Variants in TAFA5 observed in about 807,000 individuals in gnomAD.
TAFA5 encodes chemokine-like protein TAFA-5.
In TAFA5, 6 loss-of-function variants were observed where a neutral mutation model predicts 15.3. The observed-to-expected ratio is 0.39, with a 90% CI of 0.21 to 0.77. The LOEUF (loss-of-function observed/expected upper bound fraction) is 0.77, where lower values mean the gene tolerates loss of function less well. Ranked by LOEUF, TAFA5 falls within the 30% of genes least tolerant of loss-of-function variation. The probability of loss-of-function intolerance (pLI) is 0.41; values close to 1 mark genes in which losing one functional copy is unlikely to be tolerated. For missense variants in TAFA5, 161 were observed against 193.1 expected (o/e 0.83, Z 0.98); for synonymous variants, 103 against 80.7 (o/e 1.28, Z -1.48).
chr22:48,721,292 C>G (rs1929562193), intron 3 of TAFA5, among the ~76,000 whole-genome samples: 1 of 152,224 alleles, frequency 6.6e-6, no homozygotes, highest in South Asian at 2.1e-4. Context: ...GCCACCATTT[C>G]AGCCCGCCCA....
chr22:48,644,035 A>T (rs1926777372), intron 1 of TAFA5, among the ~76,000 whole-genome samples: 1 of 152,230 alleles, frequency 6.6e-6, no homozygotes, highest in Admixed American at 6.5e-5. Context: ...CATGGCTTTG[A>T]CGCAGTAACC....
chr22:48,515,851 C>G (rs193276927), intron 1 of TAFA5, among the ~76,000 whole-genome samples: 1 of 152,018 alleles, frequency 6.6e-6, no homozygotes, highest in Non-Finnish European at 1.5e-5. Context: ...TCTCTGTGGG[C>G]TCCTCCTCTC....
At chr22:48,612,041 C>T (rs1672330777) in intron 1 of TAFA5, among the ~76,000 whole-genome samples, 1 of 152,152 alleles carries the variant, frequency 6.6e-6, no homozygotes, top group Non-Finnish European at 1.5e-5. Flanking sequence ...CAGGGTGGGT[C>T]TCAGATCCAG....
intron 1 of TAFA5, among the ~76,000 whole-genome samples, chr22:48,596,463 T>G (rs1924767929): frequency 6.6e-6 from 1 of 152,220 alleles, no homozygotes; most frequent in South Asian, 2.1e-4. Flanking sequence ...TGTGGTTTTA[T>G]TACTGTTTGT....
chr22:48,739,882 T>C (rs1930131303), intron 3 of TAFA5, among the ~76,000 whole-genome samples: 1 of 152,176 alleles, frequency 6.6e-6, no homozygotes, highest in Non-Finnish European at 1.5e-5. Flanking sequence ...GAGGCACGAT[T>C]ACTCCATGGT....
intron 3 of TAFA5, among the ~76,000 whole-genome samples, chr22:48,719,092 T>G (rs895432547): frequency 6.6e-6 from 1 of 152,118 alleles, no homozygotes; most frequent in African/African-American, 2.4e-5. Context: ...CCCAGGGGGA[T>G]TTTCAACTTT....
intron 1 of TAFA5, among the ~76,000 whole-genome samples, chr22:48,559,135 C>A (rs552055851): frequency 2.0e-5 from 3 of 152,308 alleles, no homozygotes; most frequent in Non-Finnish European, 4.4e-5. Context: ...ATACCAGGAA[C>A]CCAGTTGGGC....
chr22:48,618,941 G>A (rs1925710654), intron 1 of TAFA5, among the ~76,000 whole-genome samples: 1 of 152,198 alleles, frequency 6.6e-6, no homozygotes, highest in Non-Finnish European at 1.5e-5. Context: ...CTGGGTTCTA[G>A]AAGACCTCAG....
intron 3 of TAFA5, among the ~76,000 whole-genome samples, chr22:48,724,356 A>G (rs926707631): frequency 6.6e-6 from 1 of 152,150 alleles, no homozygotes; most frequent in Non-Finnish European, 1.5e-5. Flanking sequence ...AGAGAGGAGG[A>G]TTGGATGAGT....
At chr22:48,687,180 G>T (rs1328743017) in intron 2 of TAFA5, among the ~76,000 whole-genome samples, 1 of 151,734 alleles carries the variant, frequency 6.6e-6, no homozygotes, top group Non-Finnish European at 1.5e-5. Context: ...ATGGATGAGT[G>T]GATTGATGGA....
rs5768740 is a variant in TAFA5, at chr22:48,573,818, C to T, written c.113-72779C>T. 0.012 allele frequency among the ~76,000 whole-genome samples: 1,889 copies of T among 152,284 alleles called. 139 individuals are homozygous for T. The East Asian group carries it at 0.23, about 18-fold the overall frequency. On this transcript the variant is annotated intron_variant, in intron 1 of 3. Coordinates refer to ENST00000402357, the MANE Select transcript of TAFA5 (RefSeq NM_001082967.3). ...AAATATTCCCTTGGTGAACGTAGCACACTTTTCTATTTTCAGAATTTCAAA... is the reference window on the plus strand; with the variant it reads ...AAATATTCCCTTGGTGAACGTAGCATACTTTTCTATTTTCAGAATTTCAAA...
rs931310784 is a variant in TAFA5 at position 48,552,609 on chromosome 22, G to C, written c.112+62905G>C. On this transcript the variant is annotated intron_variant, in intron 1 of 3. Transcript: ENST00000402357. The surrounding 1 kb of genome is among the most constrained non-coding windows in gnomAD (Gnocchi z 4.1). ...GGATCGATCATCTAGAACCCCCGTC[G>C]CAGGGCTCGGAGTTGCGGGCAGGGT... Among the ~76,000 whole-genome samples the C allele has an allele frequency of 6.6e-6, 1 of 152,148 alleles. No homozygotes were observed. The highest frequency in any genetic ancestry group is 2.4e-5 in the African/African-American group (1 of 41,438).
intron 1 of TAFA5, among the ~76,000 whole-genome samples, chr22:48,630,841 C>T (rs1381059736): frequency 6.6e-6 from 1 of 152,190 alleles, no homozygotes; most frequent in African/African-American, 2.4e-5. Flanking sequence ...GCCAGGCCCC[C>T]CGAGGAAAAG....
rs5771771 is a variant in TAFA5, at chr22:48,751,385, G to C, written c.*1538G>C. On this transcript the variant is annotated 3_prime_UTR_variant, in exon 4 of 4. Transcript: ENST00000402357. ...GCGACAATTCTGGTTTTTCTCCCCT[G>C]GCCGTCGTTCGCCAGCCTCCTTCAT... is the stretch of plus-strand genomic sequence containing the variant. 16 of 152,548 alleles carry C rather than the reference G, an allele frequency of 1.0e-4. No individual in the cohort carries two copies. The East Asian group carries it at 3.1e-3, about 30-fold the overall frequency. The allele number at this position is 152,548 out of a possible 1,614,324, so 9.4% of individuals were successfully genotyped here. A position where few individuals can be genotyped will look rare whatever the true frequency, so the allele number is the denominator to read the frequency against.
intron 1 of TAFA5, among the ~76,000 whole-genome samples, chr22:48,523,150 C>G (rs1188474946): frequency 6.6e-6 from 1 of 152,220 alleles, no homozygotes; most frequent in Non-Finnish European, 1.5e-5. Flanking sequence ...TCCTCCCCTG[C>G]CGCTCGTGCC....
chr22:48,589,443 G>A (rs1397610115), intron 1 of TAFA5, among the ~76,000 whole-genome samples: 3 of 152,054 alleles, frequency 2.0e-5, no homozygotes, highest in Non-Finnish European at 4.4e-5. Context: ...GAAACCCAGG[G>A]TCGGTTGGAG....
At chr22:48,741,935 T>C (rs9628528) in intron 3 of TAFA5, among the ~76,000 whole-genome samples, 8,826 of 152,308 alleles carry the variant, frequency 0.058, 339 homozygotes, top group Admixed American at 0.092. Flanking sequence ...TACTCTGCAA[T>C]AGAAAAAGTG....
chr22:48,585,699 C>T (rs1924327991), intron 1 of TAFA5, among the ~76,000 whole-genome samples: 1 of 151,524 alleles, frequency 6.6e-6, no homozygotes, highest in Non-Finnish European at 1.5e-5. Flanking sequence ...AACGTATACA[C>T]AGACACAGAA....
intron 1 of TAFA5, among the ~76,000 whole-genome samples, chr22:48,585,922 C>G (rs753872367): frequency 4.6e-5 from 7 of 152,156 alleles, no homozygotes; most frequent in Non-Finnish European, 1.0e-4. Context: ...ACACGTTACA[C>G]CCATCACACC....
Sources: gnomAD v4.1 joint callset for allele counts (sites outside exome capture counted in the v4.1 genomes callset) on GRCh38, gnomAD v4.1.1 for gene constraint, Gnocchi (gnomAD v3.1) non-coding constraint, MANE v1.5 for transcripts, NCBI Gene and HGNC (gene_info 2026-07-23, HGNC 2026-07-21) for gene names.